TRAK2: variants seen among roughly 807,000 people sequenced by gnomAD.
TRAK2 encodes the protein trafficking kinesin protein 2.
A neutral mutation model predicts 104.6 loss-of-function variants in TRAK2; 81 were observed. The ratio of observed to expected loss-of-function variants is 0.77; its 90% CI spans 0.65 to 0.93. TRAK2 has a LOEUF of 0.93. TRAK2 is among the 40% of genes least tolerant of loss of function. TRAK2 has a pLI of 0.00. For synonymous variants in TRAK2, 406 were observed against 394.4 expected, an observed-to-expected ratio of 1.03 and a Z score of -0.35; for missense variants, 1,002 against 1,089.0, an observed-to-expected ratio of 0.92 and a Z score of 1.12.
chr2:201,421,783 T>C (rs1405785484), intron 1 of TRAK2, among the ~76,000 whole-genome samples: 1 of 152,116 alleles, frequency 6.6e-6, no homozygotes, highest in Admixed American at 6.5e-5. Context: ...GCATGGTGAC[T>C]CACGCCTGTA....
At chr2:201,381,923 A>G (rs1426407307) in intron 15 of TRAK2, among the ~76,000 whole-genome samples, 1 of 152,188 alleles carries the variant, frequency 6.6e-6, no homozygotes, top group Non-Finnish European at 1.5e-5. Context: ...TTCGACAACT[A>G]TTCAGTAATA....
chr2:201,391,102 A>G (rs1951444466), intron 10 of TRAK2, among the ~76,000 whole-genome samples: 1 of 152,202 alleles, frequency 6.6e-6, no homozygotes, highest in Admixed American at 6.5e-5. Context: ...CCTAACACCC[A>G]GATCTTGGAT....
Position 201,430,715 on chromosome 2 carries a change from GGTACCGTCT to G in TRAK2, c.-199-10018_-199-10010del, listed in dbSNP as rs1951835006. ...AGGGTGGGAGTGTCCCGATTTTCCAGGTACCGTCTGTCATGGCTTCCCTTGGCTAGGAAA... is the reference window on the plus strand; with the variant it reads ...AGGGTGGGAGTGTCCCGATTTTCCAGGTCATGGCTTCCCTTGGCTAGGAAA... On this transcript the variant is annotated intron_variant, in intron 1 of 15. Transcript: ENST00000332624. Among the ~76,000 whole-genome samples, 10 of 152,294 alleles carry G rather than the reference GGTACCGTCT, an allele frequency of 6.6e-5. No individual in the cohort carries two copies. In the South Asian group the frequency reaches 2.1e-3, roughly 32 times the overall value.
intron 2 of TRAK2, chr2:201,410,763 T>C (rs1384847496): frequency 1.9e-6 from 3 of 1,587,898 alleles, no homozygotes; most frequent in Non-Finnish European, 2.6e-6. Flanking sequence ...GTTTCTGTTG[T>C]GATAATTGGT....
At chr2:201,386,181 G>A in intron 14 of TRAK2, 37 bp downstream of exon 14, 1 of 1,609,932 alleles carries the variant, frequency 6.2e-7, no homozygotes. Context: ...AAGTACTTCT[G>A]GTTATTATAC....
At chr2:201,450,413 TA>T (rs1157207335) in intron 1 of TRAK2, among the ~76,000 whole-genome samples, 138 of 144,254 alleles carry the variant, frequency 9.6e-4, no homozygotes, top group Admixed American at 1.3e-3. Context: ...GACTCTGTCT[TA>T]AAAAAAAAAA....
At chr2:201,430,931 C>T (rs888987683) in intron 1 of TRAK2, among the ~76,000 whole-genome samples, 2 of 152,226 alleles carry the variant, frequency 1.3e-5, no homozygotes, top group Admixed American at 1.3e-4. Flanking sequence ...TAGACTGGTG[C>T]TGTTCCTATT....
chr2:201,400,266 T>C (rs1951538721), intron 4 of TRAK2, among the ~76,000 whole-genome samples: 2 of 152,094 alleles, frequency 1.3e-5, no homozygotes. Flanking sequence ...GTGAAGACTG[T>C]ATTCTATAGG....
At chr2:201,395,691 C>G (rs193223781) in intron 7 of TRAK2, among the ~76,000 whole-genome samples, 1 of 152,068 alleles carries the variant, frequency 6.6e-6, no homozygotes, top group Non-Finnish European at 1.5e-5. Flanking sequence ...TAAAGGCAAG[C>G]AGGCTAAAGG....
rs1423193980 is a variant in TRAK2 at position 201,378,661 on chromosome 2, C to T, written c.*1882G>A. The T allele has an allele frequency of 6.6e-6, 1 of 152,140 alleles. No individual in the cohort carries two copies. Among genetic ancestry groups the T allele is most frequent in the Non-Finnish European group, 1.5e-5 (1 of 68,032 alleles). 9.4% of individuals were successfully genotyped at this position (152,140 alleles called of 1,614,324 possible). On this transcript the variant is annotated 3_prime_UTR_variant, in exon 16 of 16. Coordinates refer to ENST00000332624, the MANE Select transcript of TRAK2 (RefSeq NM_015049.3). ...TGCCCCATTCAGGGACACTTATATT[C>T]ACATATAAACCTGCTGGAATCCTTT... is the stretch of plus-strand genomic sequence containing the variant.
chr2:201,391,244 C>T (rs1417327726), intron 10 of TRAK2, among the ~76,000 whole-genome samples: 2 of 151,992 alleles, frequency 1.3e-5, no homozygotes, highest in African/African-American at 2.4e-5. Flanking sequence ...TCTGAATATC[C>T]TACATACAGA....
chr2:201,388,123 A>G, intron 12 of TRAK2, 122 bp from the exon 13 acceptor site: 1 of 1,042,570 alleles, frequency 9.6e-7, no homozygotes, highest in Non-Finnish European at 1.5e-6. Context: ...TTTCCTAGAT[A>G]CCTGGAATAT....
intron 2 of TRAK2, among the ~76,000 whole-genome samples, chr2:201,407,915 T>TA (rs1202894217): frequency 6.6e-6 from 1 of 152,212 alleles, no homozygotes; most frequent in East Asian, 1.9e-4. Context: ...TTGACACCTG[T>TA]ATACAATGTA....
chr2:201,432,523 A>G (rs1435773425), intron 1 of TRAK2, among the ~76,000 whole-genome samples: 1 of 152,260 alleles, frequency 6.6e-6, no homozygotes, highest in Non-Finnish European at 1.5e-5. Flanking sequence ...AAGCAAAATA[A>G]TCAAGTAACT....
intron 2 of TRAK2, chr2:201,419,355 C>T (rs1951720204): frequency 1.3e-5 from 2 of 154,536 alleles, no homozygotes; most frequent in Non-Finnish European, 2.9e-5. Context: ...TGCTTTTCTG[C>T]TACAATAGCA....
chr2:201,440,538 T>G (rs926149664), intron 1 of TRAK2, among the ~76,000 whole-genome samples: 1 of 152,212 alleles, frequency 6.6e-6, no homozygotes, highest in Non-Finnish European at 1.5e-5. Flanking sequence ...TTACCTAGCC[T>G]AGCTATGAAC....
chr2:201,415,745 G>A (rs1372912213), intron 2 of TRAK2, among the ~76,000 whole-genome samples: 3 of 152,088 alleles, frequency 2.0e-5, no homozygotes, highest in Non-Finnish European at 4.4e-5. Flanking sequence ...GTCATATCAA[G>A]CAGTCTGAAG....
intron 14 of TRAK2, among the ~76,000 whole-genome samples, chr2:201,384,615 CT>C (rs1951372083): frequency 6.6e-6 from 1 of 152,096 alleles, no homozygotes; most frequent in Non-Finnish European, 1.5e-5. Flanking sequence ...GAGGCCTTTT[CT>C]TTTTGACTGG....
At chr2:201,395,715 G>A (rs1225011366) in intron 7 of TRAK2, among the ~76,000 whole-genome samples, 1 of 152,078 alleles carries the variant, frequency 6.6e-6, no homozygotes, top group Non-Finnish European at 1.5e-5. Context: ...TGCTTCAATC[G>A]TTTTCTTTAT....
Sources: allele counts gnomAD v4.1 joint callset (sites outside exome capture counted in the v4.1 genomes callset), GRCh38; gene constraint gnomAD v4.1.1; transcripts MANE v1.5; gene names NCBI Gene and HGNC (gene_info 2026-07-23, HGNC 2026-07-21).